MBOAT7: variants seen among roughly 807,000 people sequenced by gnomAD.
MBOAT7 encodes the protein membrane-bound acylglycerophosphatidylinositol O-acyltransferase MBOAT7.
A neutral mutation model predicts 47.4 loss-of-function variants in MBOAT7; 40 were observed. That is an observed-to-expected ratio of 0.84 (90% CI 0.66 to 1.10). MBOAT7 has a LOEUF of 1.10. MBOAT7 is among the 50% of genes least tolerant of loss of function. MBOAT7 has a pLI of 0.00. For synonymous variants in MBOAT7, 361 were observed against 292.0 expected, an observed-to-expected ratio of 1.24 and a Z score of -2.41; for missense variants, 680 against 655.6, an observed-to-expected ratio of 1.04 and a Z score of -0.41.
intron 7 of MBOAT7, among the ~76,000 whole-genome samples, chr19:54,177,980 A>C (rs1455060614): frequency 9.2e-6 from 1 of 108,504 alleles, no homozygotes; most frequent in African/African-American, 3.7e-5. Flanking sequence ...GCGAGATCCC[A>C]GCTCCCTGCA....
chr19:54,181,049 C>T lies in MBOAT7; in HGVS notation c.578G>A (p.Arg193His), dbSNP rs552304142. The T allele has an allele frequency of 5.2e-5, 80 of 1,545,372 alleles. No individual in the cohort carries two copies. The highest frequency in any genetic ancestry group is 1.7e-4 in the East Asian group (7 of 41,074). Residue 193 changes from arginine to histidine, a missense_variant, in exon 6 of 8, where the codon CGC (arginine) becomes CAC (histidine). By Grantham distance (29) the Arg-to-His change is conservative. Coordinates refer to ENST00000245615, the MANE Select transcript of MBOAT7 (RefSeq NM_024298.5). ...GAAGAGCGGGGCCGGCCAGGCGCGG[C>T]GCAGCAGGGGCCGCAGGCTGGGCAC... is the stretch of plus-strand genomic sequence containing the variant. Reference protein sequence around the residue: ...GAVPSLRPLLRRAWPAPLFGL... With the variant: ...GAVPSLRPLLHRAWPAPLFGL...
chr19:54,188,561 C>T, intron 1 of MBOAT7, 50 bp from the exon 2 acceptor site: 2 of 1,517,676 alleles, frequency 1.3e-6, no homozygotes, highest in South Asian at 2.4e-5. Flanking sequence ...TCCAGGCCCC[C>T]TGCCTCCTCC....
At chr19:54,187,056 T>C in intron 4 of MBOAT7, 105 bp downstream of exon 4, 1 of 1,329,028 alleles carries the variant, frequency 7.5e-7, no homozygotes, top group Non-Finnish European at 1.0e-6. Context: ...ACCCCCAGGG[T>C]GTGTTGGAGG....
intron 4 of MBOAT7, 42 bp downstream of exon 4, chr19:54,187,119 C>T (rs2076448143): frequency 6.5e-7 from 1 of 1,530,160 alleles, no homozygotes; most frequent in East Asian, 2.4e-5. Flanking sequence ...GTGAAGGGGC[C>T]CACAGGGAGG....
chr19:54,178,521 A>G (rs2076172213), intron 7 of MBOAT7: 2 of 1,418,266 alleles, frequency 1.4e-6, no homozygotes, highest in Non-Finnish European at 1.8e-6. Context: ...AGGACTCAGT[A>G]CATTGCTTCT....
chr19:54,182,772 C>T (rs1290144622), intron 5 of MBOAT7, among the ~76,000 whole-genome samples: 10 of 152,106 alleles, frequency 6.6e-5, no homozygotes, highest in Non-Finnish European at 1.5e-4. Context: ...GTGATCTTGG[C>T]TCACTGCAAA....
intron 7 of MBOAT7, among the ~76,000 whole-genome samples, chr19:54,175,020 G>A (rs2076050913): frequency 1.4e-5 from 2 of 144,052 alleles, no homozygotes; most frequent in Admixed American, 7.1e-5. Context: ...CTGTCGCCCA[G>A]GCTAGAGTGC....
rs8113717 is a variant in MBOAT7 at position 54,184,270 on chromosome 19, T to C, written c.334-590A>G. On this transcript the variant is annotated intron_variant, in intron 4 of 7. Transcript: ENST00000245615. ...CCCCACCTCCTGGGGGCGCAAGCAA[T>C]TCTCATGCCTCAGCTGGCCAGGCTG... 3.4e-3 allele frequency among the ~76,000 whole-genome samples: 500 copies of C among 148,804 alleles called. 1 individual carries two copies. Among genetic ancestry groups the C allele is most frequent in the African/African-American group, 0.012 (474 of 40,448 alleles).
chr19:54,174,682 A>T (rs1448665534), intron 7 of MBOAT7, among the ~76,000 whole-genome samples: 1 of 141,020 alleles, frequency 7.1e-6, no homozygotes, highest in Non-Finnish European at 1.6e-5. Flanking sequence ...CAGATCCAGG[A>T]GTCCAGACCC....
At chr19:54,188,063 AAGAAAG>A (rs1484266927) in intron 3 of MBOAT7, among the ~76,000 whole-genome samples, 148 bp downstream of exon 3, 1 of 57,424 alleles carries the variant, frequency 1.7e-5, no homozygotes, top group Middle Eastern at 7.8e-3. Context: ...GAAAGAAAGA[AAGAAAG>A]ACAAACAAAC....
intron 5 of MBOAT7, among the ~76,000 whole-genome samples, chr19:54,181,456 C>G (rs78335195): frequency 0.02 from 3,054 of 151,686 alleles, 78 homozygotes; most frequent in African/African-American, 0.066. Flanking sequence ...AACAGTTGGA[C>G]AGCAGCCTGG....
At chr19:54,185,639 C>T (rs2076408752) in intron 4 of MBOAT7, among the ~76,000 whole-genome samples, 1 of 152,216 alleles carries the variant, frequency 6.6e-6, no homozygotes, top group Non-Finnish European at 1.5e-5. Flanking sequence ...TCCATCCCAT[C>T]TTGCCCTGTT....
chr19:54,182,322 G>T (rs1290606240), intron 5 of MBOAT7, among the ~76,000 whole-genome samples: 1 of 152,118 alleles, frequency 6.6e-6, no homozygotes, highest in African/African-American at 2.4e-5. Context: ...GTCCAGAACA[G>T]GCAAATCTTT....
In MBOAT7 at chr19:54,174,571, G is replaced by A; in HGVS notation, c.1032-140C>T. On this transcript the variant is annotated intron_variant, in intron 7 of 7. Coordinates refer to ENST00000245615, the MANE Select transcript of MBOAT7 (RefSeq NM_024298.5). ...CCCAGCCCCTCCTCCCTCAGACCCAGGAGTCCAGACCCCACCCCTTCCTCC... is the reference window on the plus strand; with the variant it reads ...CCCAGCCCCTCCTCCCTCAGACCCAAGAGTCCAGACCCCACCCCTTCCTCC... 6 of 849,848 alleles carry A rather than the reference G, an allele frequency of 7.1e-6. No homozygotes were observed. In the South Asian group the frequency reaches 1.2e-4, roughly 18 times the overall value. 52.6% of individuals were successfully genotyped at this position (849,848 alleles called of 1,614,324 possible).
rs566860709 is a variant in MBOAT7 at position 54,180,670 on chromosome 19, G to A, written c.854+103C>T. 2.7e-5 allele frequency: 30 copies of A among 1,125,208 alleles called. No individual in the cohort carries two copies. In the Middle Eastern group the frequency reaches 9.1e-4, roughly 34 times the overall value. 69.7% of individuals were successfully genotyped at this position (1,125,208 alleles called of 1,614,324 possible). On this transcript the variant is annotated intron_variant, in intron 6 of 7. Coordinates refer to ENST00000245615, the MANE Select transcript of MBOAT7 (RefSeq NM_024298.5). This position sits in a 1 kb window ranked among gnomAD's most constrained non-coding sequence, Gnocchi z 5.2. ...CGACACTCTGCTCAAAAAGGTGGTG[G>A]CCCTGGCCCCTTGCTCCCCGCTCTC...
chr19:54,180,131 G>A lies in MBOAT7; in HGVS notation c.854+642C>T, dbSNP rs1043528385. 2.6e-5 allele frequency: 4 copies of A among 152,216 alleles called. No homozygotes were observed. The highest frequency in any genetic ancestry group is 7.2e-5 in the African/African-American group (3 of 41,454). The allele number at this position is 152,216 out of a possible 1,614,324, so 9.4% of individuals were successfully genotyped here. A position where few individuals can be genotyped will look rare whatever the true frequency, so the allele number is the denominator to read the frequency against. Reference sequence around the variant, plus strand: ...CAGTGTAACTGTAGTTGGTAGGAATGGCGTGCCCTCTGCTGGGGAACAGCA... The same window carrying A: ...CAGTGTAACTGTAGTTGGTAGGAATAGCGTGCCCTCTGCTGGGGAACAGCA... On this transcript the variant is annotated intron_variant, in intron 6 of 7. Transcript: ENST00000245615. This position sits in a 1 kb window ranked among gnomAD's most constrained non-coding sequence, Gnocchi z 5.2.
At position 54,174,247 on chromosome 19, in the gene MBOAT7, C is replaced by T. The variant is rs745322441; in HGVS notation, c.1216G>A (p.Ala406Thr). Residue 406 changes from alanine (A) to threonine (T), a missense_variant, in exon 8 of 8, where the codon GCC becomes ACC. Transcript: ENST00000245615. ...DWVHWFLKMR[A>T]YDYMCMGFVL... ...AAGCCCATGCACATGTAGTCATAGG[C>T]GCGCATCTTCAGGAACCAGTGCACC... is the stretch of plus-strand genomic sequence containing the variant. 16 of 1,608,312 alleles carry T rather than the reference C, an allele frequency of 9.9e-6. No homozygotes were observed. The highest frequency in any genetic ancestry group is 4.5e-5 in the East Asian group (2 of 44,688).
At chr19:54,179,023 C>T (rs1303962410) in intron 6 of MBOAT7, 82 bp from the exon 7 acceptor site, 5 of 1,535,654 alleles carry the variant, frequency 3.3e-6, no homozygotes, top group African/African-American at 1.4e-5. Flanking sequence ...GTCCCAGCCC[C>T]GGATGCTAAG....
chr19:54,178,465 T>A, intron 7 of MBOAT7: 2 of 1,326,906 alleles, frequency 1.5e-6, no homozygotes, highest in Non-Finnish European at 1.9e-6. Flanking sequence ...GGTTTCTCCA[T>A]AACCTGGACG....
Sources: gnomAD v4.1 joint callset for allele counts (sites outside exome capture counted in the v4.1 genomes callset) on GRCh38, gnomAD v4.1.1 for gene constraint, Gnocchi (gnomAD v3.1) non-coding constraint, MANE v1.5 for transcripts, NCBI Gene and HGNC (gene_info 2026-07-23, HGNC 2026-07-21) for gene names.